The following TSGA10 variants were observed in gnomAD, a reference collection of about 807,000 sequenced individuals.
TSGA10 encodes the protein testis-specific gene 10 protein.
A neutral mutation model predicts 96.6 loss-of-function variants in TSGA10; 43 were observed. The observed-to-expected ratio is 0.44, with a 90% CI of 0.35 to 0.57. The LOEUF is 0.57. Ranked by LOEUF, TSGA10 falls within the 20% of genes least tolerant of loss-of-function variation. TSGA10 has a pLI of 0.01. For synonymous variants in TSGA10, 229 were observed against 269.9 expected (o/e 0.85, Z 1.48); for missense variants, 703 against 834.4 (o/e 0.84, Z 1.94).
At chr2:99,061,987 G>A (rs932250740) in intron 16 of TSGA10, among the ~76,000 whole-genome samples, 2 of 152,134 alleles carry the variant, frequency 1.3e-5, no homozygotes, top group Non-Finnish European at 2.9e-5. Flanking sequence ...AAGGAGAGAA[G>A]CCCCAGAAGA....
intron 16 of TSGA10, among the ~76,000 whole-genome samples, chr2:99,055,489 A>G (rs2083874011): frequency 6.6e-6 from 1 of 152,110 alleles, no homozygotes; most frequent in Non-Finnish European, 1.5e-5. Flanking sequence ...AAAAAAAAAA[A>G]TGGCAAGCAT....
intron 1 of TSGA10, among the ~76,000 whole-genome samples, chr2:99,129,869 T>G (rs1179053298): frequency 6.6e-6 from 1 of 152,196 alleles, no homozygotes. Flanking sequence ...CTCCCACTTA[T>G]GAGTAAGAAC....
intron 1 of TSGA10, chr2:99,141,277 G>A: frequency 3.0e-6 from 2 of 662,670 alleles, no homozygotes; most frequent in Non-Finnish European, 4.1e-6. Context: ...GACGGAGCCC[G>A]CGGGAAGGAG....
intron 11 of TSGA10, 47 bp downstream of exon 11, chr2:99,081,235 C>T (rs1455367041): frequency 2.7e-6 from 3 of 1,126,142 alleles, no homozygotes; most frequent in African/African-American, 1.6e-5. Context: ...ATCTTTGCTA[C>T]CAAACTTAAG....
intron 10 of TSGA10, among the ~76,000 whole-genome samples, chr2:99,103,005 T>G (rs2090944476): frequency 6.6e-6 from 1 of 151,982 alleles, no homozygotes; most frequent in South Asian, 2.1e-4. Flanking sequence ...TGAAACATGC[T>G]AAATATTCTT....
intron 17 of TSGA10, among the ~76,000 whole-genome samples, chr2:99,022,802 C>T (rs1041035655): frequency 9.2e-5 from 14 of 152,230 alleles, no homozygotes; most frequent in African/African-American, 3.1e-4. Context: ...ACATTTCCAC[C>T]AGCAATGTAT....
chr2:99,020,429 C>A lies in TSGA10; in HGVS notation c.1668G>T (p.Gln556His). ...GCATGGAGATTCTCTCATTTGCCAT[C>A]TGACTCCTCAGGAGTTCAATTTCAG... ...AHSEIELLRS[Q>H]MANERISMQN... Residue 556 changes from glutamine (Q) to histidine (H), a missense_variant, in exon 18 of 21, where the codon CAG (glutamine) becomes CAT (histidine). Transcript: ENST00000393483. The A allele has an allele frequency of 2.5e-6, 4 of 1,613,936 alleles. No homozygotes were observed. Among genetic ancestry groups the A allele is most frequent in the Non-Finnish European group, 3.4e-6 (4 of 1,179,914 alleles).
chr2:99,065,147 T>G (rs1321761461), intron 15 of TSGA10, 23 bp from the exon 16 acceptor site: 1 of 1,604,444 alleles, frequency 6.2e-7, no homozygotes, highest in East Asian at 2.2e-5. Flanking sequence ...CTTTAGCTAT[T>G]ACTTTAAAAT....
At chr2:99,123,067 G>A (rs2092661183) in intron 2 of TSGA10, among the ~76,000 whole-genome samples, 1 of 152,124 alleles carries the variant, frequency 6.6e-6, no homozygotes, top group Non-Finnish European at 1.5e-5. Context: ...TCTAGCACTT[G>A]AAAAATGTCG....
intron 1 of TSGA10, among the ~76,000 whole-genome samples, chr2:99,143,646 T>C (rs1240381343): frequency 6.6e-6 from 1 of 151,852 alleles, no homozygotes; most frequent in African/African-American, 2.4e-5. Context: ...AATTTTTGTA[T>C]GTTTTTGTAG....
At chr2:99,089,216 A>C (rs2088964198) in intron 10 of TSGA10, among the ~76,000 whole-genome samples, 1 of 152,178 alleles carries the variant, frequency 6.6e-6, no homozygotes, top group African/African-American at 2.4e-5. Context: ...AGCGAAATAC[A>C]GGAGTAGAGT....
intron 1 of TSGA10, among the ~76,000 whole-genome samples, chr2:99,136,439 A>ATGATTAC (rs1033754461): frequency 2.0e-5 from 3 of 152,214 alleles, no homozygotes; most frequent in Non-Finnish European, 4.4e-5. Context: ...ACACCACAGC[A>ATGATTAC]TGATTACTGC....
At chr2:99,133,018 C>A (rs546004226) in intron 1 of TSGA10, among the ~76,000 whole-genome samples, 2 of 152,192 alleles carry the variant, frequency 1.3e-5, no homozygotes, top group South Asian at 4.2e-4. Context: ...ATTATGCGGT[C>A]AATTTTAGAA....
chr2:99,058,060 A>C (rs1221814916), intron 16 of TSGA10, among the ~76,000 whole-genome samples: 1 of 152,172 alleles, frequency 6.6e-6, no homozygotes, highest in Admixed American at 6.5e-5. Flanking sequence ...CACATGCAAA[A>C]GAATGAATTT....
intron 15 of TSGA10, among the ~76,000 whole-genome samples, chr2:99,068,617 C>T (rs978235704): frequency 1.3e-5 from 2 of 152,196 alleles, no homozygotes; most frequent in South Asian, 2.1e-4. Context: ...TAATTATAAG[C>T]GAGGTCAAAT....
intron 10 of TSGA10, among the ~76,000 whole-genome samples, chr2:99,085,636 T>TAAAAAAAAAAAAAA (rs2088221097): frequency 2.2e-5 from 2 of 92,310 alleles, no homozygotes; most frequent in African/African-American, 5.8e-5. Context: ...AAAAAAAAAG[T>TAAAAAAAAAAAAAA]TGTTTTTTTG....
At chr2:99,045,859 T>C (rs1464472733) in intron 16 of TSGA10, among the ~76,000 whole-genome samples, 3 of 152,116 alleles carry the variant, frequency 2.0e-5, no homozygotes, top group African/African-American at 4.8e-5. Flanking sequence ...GAGACATACA[T>C]AGGCTCAAAA....
chr2:99,064,909 T>A, intron 16 of TSGA10, 30 bp downstream of exon 16: 1 of 1,526,082 alleles, frequency 6.6e-7, no homozygotes, highest in Non-Finnish European at 8.8e-7. Flanking sequence ...TGATGCAGGA[T>A]GTATTATAAG....
chr2:99,032,096 A>C (rs2081190597), intron 17 of TSGA10, among the ~76,000 whole-genome samples: 1 of 152,128 alleles, frequency 6.6e-6, no homozygotes, highest in African/African-American at 2.4e-5. Context: ...CTTCAATTGT[A>C]CAGTTGCATC....
Sources: gnomAD v4.1 joint callset for allele counts (sites outside exome capture counted in the v4.1 genomes callset) on GRCh38, gnomAD v4.1.1 for gene constraint, MANE v1.5 for transcripts, NCBI Gene and HGNC (gene_info 2026-07-23, HGNC 2026-07-21) for gene names.